The following BUB1 variants were observed in gnomAD, a reference collection of about 807,000 sequenced individuals.
The protein encoded by BUB1 is mitotic checkpoint serine/threonine-protein kinase BUB1.
In BUB1, 84 loss-of-function variants were observed where a neutral mutation model predicts 135.2. That is an observed-to-expected ratio of 0.62 (90% CI 0.52 to 0.74). The LOEUF (loss-of-function observed/expected upper bound fraction) is 0.74. BUB1 is among the 30% of genes least tolerant of loss of function. The probability of loss-of-function intolerance (pLI) is 0.00; values close to 1 mark genes in which losing one functional copy is unlikely to be tolerated. For synonymous variants in BUB1, 403 were observed against 434.4 expected, an observed-to-expected ratio of 0.93 and a Z score of 0.90; for missense variants, 1,162 against 1,288.3, an observed-to-expected ratio of 0.90 and a Z score of 1.50.
At chr2:110,656,029 T>G in intron 15 of BUB1, 113 bp from the exon 16 acceptor site, 1 of 1,001,568 alleles carries the variant, frequency 1.0e-6, no homozygotes, top group South Asian at 1.7e-5. Context: ...AAGAAACAGA[T>G]GTCAACCCCT....
intron 4 of BUB1, among the ~76,000 whole-genome samples, chr2:110,671,121 A>G (rs1032104633): frequency 6.6e-6 from 1 of 152,228 alleles, no homozygotes; most frequent in Non-Finnish European, 1.5e-5. Flanking sequence ...CAAAGTGCAC[A>G]CTATAAAGCA....
In BUB1 at chr2:110,657,663, AT is replaced by A. The variant is rs2104536853; in HGVS notation, c.1517-19del. 3 of 1,519,900 alleles carry A rather than the reference AT, an allele frequency of 2.0e-6. No individual in the cohort carries two copies. The South Asian group carries it at 3.8e-5, about 19-fold the overall frequency. The allele number at this position is 1,519,900 out of a possible 1,614,324, so 94.2% of individuals were successfully genotyped here. A position where few individuals can be genotyped will look rare whatever the true frequency, so the allele number is the denominator to read the frequency against. On this transcript the variant is annotated intron_variant, in intron 13 of 24. Transcript: ENST00000302759. ...TACATTTTCTGCAACAGAATAAAAA[AT>A]AGCATCTAATTATTGTACTAGGAAA...
intron 11 of BUB1, among the ~76,000 whole-genome samples, chr2:110,659,468 A>G (rs1041498148): frequency 2.6e-5 from 4 of 152,170 alleles, no homozygotes; most frequent in African/African-American, 9.7e-5. Context: ...CAGGCTCAGT[A>G]AGTCTTGGTT....
chr2:110,661,844 T>C lies in BUB1; in HGVS notation c.958-3A>G. 6.2e-7 allele frequency: 1 copy of C among 1,612,494 alleles called. No homozygotes were observed. Among genetic ancestry groups the C allele is most frequent in the Non-Finnish European group, 8.5e-7 (1 of 1,179,218 alleles). On this transcript the variant is annotated splice_region_variant and splice_polypyrimidine_tract_variant and intron_variant, in intron 9 of 24. Coordinates refer to ENST00000302759, the MANE Select transcript of BUB1 (RefSeq NM_004336.5). The stretch of plus-strand genomic sequence containing the variant: ...GGCCCCATACGTGCTGGATTAACCT[T>C]TCATATTAAACAAACAAACAACAAA...
intron 9 of BUB1, among the ~76,000 whole-genome samples, chr2:110,663,767 G>C (rs1401757616): frequency 6.6e-6 from 1 of 152,208 alleles, no homozygotes; most frequent in Non-Finnish European, 1.5e-5. Context: ...TGTGGCTCAA[G>C]CCTGTAATCC....
intron 24 of BUB1, among the ~76,000 whole-genome samples, chr2:110,639,007 A>G (rs57833547): frequency 0.02 from 3,029 of 152,224 alleles, 99 homozygotes; most frequent in African/African-American, 0.07. Flanking sequence ...AGATATAAAC[A>G]TATGTAAAAG....
intron 4 of BUB1, among the ~76,000 whole-genome samples, chr2:110,671,843 GTTTTCTGTA>G (rs1266580699): frequency 9.9e-5 from 15 of 152,168 alleles, no homozygotes; most frequent in Non-Finnish European, 1.9e-4. Flanking sequence ...GTTTTCTTTC[GTTTTCTGTA>G]TTTTCACAAT....
In BUB1 at chr2:110,661,828, C is replaced by T. The variant is rs899084208; in HGVS notation, c.971G>A (p.Arg324His). Residue 324 changes from arginine to histidine, a missense_variant, in exon 10 of 25, where the codon CGT becomes CAT. Transcript: ENST00000302759. ...CTGGGAGCCTACACTTGGCCCCATA[C>T]GTGCTGGATTAACCTTTCATATTAA... is the stretch of plus-strand genomic sequence containing the variant. ...SQERSEVNPA[R>H]MGPSVGSQQE... The T allele has an allele frequency of 5.0e-6, 8 of 1,614,032 alleles. No homozygotes were observed. The highest frequency in any genetic ancestry group is 3.3e-5 in the Admixed American group (2 of 59,998).
At chr2:110,671,019 C>G (rs1464285480) in intron 4 of BUB1, among the ~76,000 whole-genome samples, 2 of 152,234 alleles carry the variant, frequency 1.3e-5, no homozygotes, top group African/African-American at 4.8e-5. Flanking sequence ...GAGAAGTTCT[C>G]AAATATGTCA....
rs761124129 is a variant in BUB1 at position 110,653,467 on chromosome 2, T to G, written c.1933A>C (p.Met645Leu). 6 of 1,613,956 alleles carry G rather than the reference T, an allele frequency of 3.7e-6. No individual in the cohort carries two copies. In the East Asian group the frequency reaches 1.1e-4, roughly 30 times the overall value. ...QATLDSCEEN[M>L]VVPSRDGKFS... ...TTTCCATCCCTTGAAGGCACCACCATGTTTTCCTCACAAGAATCCAAAGTC... is the reference window on the plus strand; with the variant it reads ...TTTCCATCCCTTGAAGGCACCACCAGGTTTTCCTCACAAGAATCCAAAGTC... Residue 645 changes from methionine (M) to leucine (L), a missense_variant, in exon 17 of 25, where the codon ATG becomes CTG. Coordinates refer to ENST00000302759, the MANE Select transcript of BUB1 (RefSeq NM_004336.5).
chr2:110,641,876 T>C (rs1020018307), intron 20 of BUB1, 73 bp from the exon 21 acceptor site: 3 of 1,476,920 alleles, frequency 2.0e-6, no homozygotes, highest in Admixed American at 3.9e-5. Context: ...GCAACCTCTA[T>C]CCCAATAAAA....
At chr2:110,638,283 A>G (rs1689415482) in intron 24 of BUB1, 124 bp from the exon 25 acceptor site, 2 of 609,622 alleles carry the variant, frequency 3.3e-6, no homozygotes, top group Non-Finnish European at 5.3e-6. Context: ...CCTAAACACA[A>G]TACAATGCAG....
chr2:110,669,543 T>C lies in BUB1; in HGVS notation c.477A>G (p.Ser159=). The change falls in exon 6 of 25, where the codon TCA becomes TCG. Residue 159 remains serine, a synonymous_variant. Coordinates refer to ENST00000302759, the MANE Select transcript of BUB1 (RefSeq NM_004336.5). Reference sequence around the variant, plus strand: ...AAACCTGAACATTATGCAGAGGTTCTGAGGTTCTAGCTATGAGGGAAAAGA... The same window carrying C: ...AAACCTGAACATTATGCAGAGGTTCCGAGGTTCTAGCTATGAGGGAAAAGA... ...ETHLPAQART[S]EPLHNVQVLN... 6.2e-7 allele frequency: 1 copy of C among 1,603,890 alleles called. No homozygotes were observed. The highest frequency in any genetic ancestry group is 8.5e-7 in the Non-Finnish European group (1 of 1,171,172).
Position 110,639,771 on chromosome 2 carries a change from T to C in BUB1, c.3033A>G (p.Gly1011=). 6.2e-7 allele frequency: 1 copy of C among 1,613,842 alleles called. No homozygotes were observed. The highest frequency in any genetic ancestry group is 8.5e-7 in the Non-Finnish European group (1 of 1,179,856). ...TAAAAAGACCTTCAGGCTTACACTCTCCTCCTTCATTTTTCACTTTCATGT... is the reference window on the plus strand; with the variant it reads ...TAAAAAGACCTTCAGGCTTACACTCCCCTCCTTCATTTTTCACTTTCATGT... The part of the protein sequence containing the change: ...GTYMKVKNEG[G]ECKPEGLFRR... Residue 1011 remains glycine, a synonymous_variant, in exon 24 of 25, where the codon GGA becomes GGG. Transcript: ENST00000302759.
In BUB1 at chr2:110,678,018, G is replaced by T; in HGVS notation, c.-23C>A. ...CATGGCCAGAGGACGCTGGCCGGCAGCGGCCAAACCTGAACCGCAAACTAG... is the reference window on the plus strand; with the variant it reads ...CATGGCCAGAGGACGCTGGCCGGCATCGGCCAAACCTGAACCGCAAACTAG... On this transcript the variant is annotated 5_prime_UTR_variant, in exon 1 of 25. In the 5' UTR this introduces an upstream ATG that the reference lacks. Coordinates refer to ENST00000302759, the MANE Select transcript of BUB1 (RefSeq NM_004336.5). 6.2e-7 allele frequency: 1 copy of T among 1,600,970 alleles called. No homozygotes were observed. Among genetic ancestry groups the T allele is most frequent in the Non-Finnish European group, 8.5e-7 (1 of 1,174,744 alleles).
At chr2:110,650,206 G>GC (rs1444002153) in intron 18 of BUB1, among the ~76,000 whole-genome samples, 3 of 137,170 alleles carry the variant, frequency 2.2e-5, no homozygotes, top group African/African-American at 8.0e-5. Flanking sequence ...AAGGGGGTGG[G>GC]CGGGGGGGGG....
chr2:110,667,955 T>C, intron 6 of BUB1, 106 bp from the exon 7 acceptor site: 1 of 941,114 alleles, frequency 1.1e-6, no homozygotes, highest in Non-Finnish European at 1.6e-6. Flanking sequence ...AGAGGGACCT[T>C]AATCCCAAGT....
At chr2:110,651,688 G>A (rs1211774801) in intron 17 of BUB1, among the ~76,000 whole-genome samples, 1 of 152,090 alleles carries the variant, frequency 6.6e-6, no homozygotes, top group East Asian at 1.9e-4. Flanking sequence ...GACCCACCCA[G>A]AGCAACTTCA....
chr2:110,642,189 A>G lies in BUB1; in HGVS notation c.2393T>C (p.Phe798Ser). Residue 798 changes from phenylalanine to serine, a missense_variant, in exon 20 of 25, where the codon TTT becomes TCT. Transcript: ENST00000302759. ...YVHHLLGEGAFAQVYEATQGD... is the reference protein window; with the variant it reads ...YVHHLLGEGASAQVYEATQGD... ...CTGGGTAGCTTCGTACACCTGGGCAAAGGCTCCTTCTCCAAGAAGGTGATG... is the reference window on the plus strand; with the variant it reads ...CTGGGTAGCTTCGTACACCTGGGCAGAGGCTCCTTCTCCAAGAAGGTGATG... 3 of 1,613,790 alleles carry G rather than the reference A, an allele frequency of 1.9e-6. No homozygotes were observed. The highest frequency in any genetic ancestry group is 2.5e-6 in the Non-Finnish European group (3 of 1,179,860).
Sources: gnomAD v4.1 joint callset for allele counts (sites outside exome capture counted in the v4.1 genomes callset) on GRCh38, gnomAD v4.1.1 for gene constraint, MANE v1.5 for transcripts, NCBI Gene and HGNC (gene_info 2026-07-23, HGNC 2026-07-21) for gene names.